The following KLHL32 variants were observed in gnomAD, a reference collection of about 807,000 sequenced individuals.
The protein encoded by KLHL32 is kelch like family member 32, also known as kelch-like protein 32.
A neutral mutation model predicts 64.8 loss-of-function variants in KLHL32; 35 were observed. That is an observed-to-expected ratio of 0.54 (90% CI 0.41 to 0.72). The LOEUF (loss-of-function observed/expected upper bound fraction) is 0.72, where lower values mean the gene tolerates loss of function less well. Ranked by LOEUF, KLHL32 falls within the 30% of genes least tolerant of loss-of-function variation. The pLI is 0.00. For missense variants in KLHL32, 589 were observed against 768.5 expected (o/e 0.77, Z 2.76); for synonymous variants, 259 against 281.0 (o/e 0.92, Z 0.78).
At chr6:97,075,872 A>T (rs1413719443) in intron 5 of KLHL32, among the ~76,000 whole-genome samples, 1 of 152,174 alleles carries the variant, frequency 6.6e-6, no homozygotes, top group Non-Finnish European at 1.5e-5. Context: ...TGTCTTAATT[A>T]TGCATTCATT....
At chr6:96,997,283 A>G (rs1582641216) in intron 3 of KLHL32, among the ~76,000 whole-genome samples, 1 of 152,144 alleles carries the variant, frequency 6.6e-6, no homozygotes, top group Non-Finnish European at 1.5e-5. Context: ...CCTGGCCCAC[A>G]TAGACCATCT....
chr6:97,126,859 G>T (rs1248122284), intron 7 of KLHL32, among the ~76,000 whole-genome samples: 1 of 151,842 alleles, frequency 6.6e-6, no homozygotes. Flanking sequence ...TTTTTATGTG[G>T]CTACTGGAAA....
At position 96,985,366 on chromosome 6, in the gene KLHL32, C is replaced by T. The variant is rs536144493; in HGVS notation, c.204+9189C>T. Among the ~76,000 whole-genome samples the T allele has an allele frequency of 4.9e-4, 74 of 152,186 alleles. No individual in the cohort carries two copies. In the East Asian group the frequency reaches 0.01, roughly 21 times the overall value. The stretch of plus-strand genomic sequence containing the variant: ...TTATGTGTCTTGGAGTTGCTCTTCT[C>T]GAGGAGTATCTTTGTGGCATTCTCT... On this transcript the variant is annotated intron_variant, in intron 3 of 10. Transcript: ENST00000369261.
chr6:96,923,768 T>C (rs1768843711), upstream of KLHL32, among the ~76,000 whole-genome samples: 2 of 152,190 alleles, frequency 1.3e-5, no homozygotes, highest in Non-Finnish European at 2.9e-5. Flanking sequence ...TTCTACAAAA[T>C]ACAGTTTACT....
chr6:97,105,121 T>A (rs1562341613), intron 6 of KLHL32, among the ~76,000 whole-genome samples: 2 of 152,168 alleles, frequency 1.3e-5, no homozygotes, highest in African/African-American at 4.8e-5. Flanking sequence ...ATTAAAAGGA[T>A]AACATGCTAA....
intron 4 of KLHL32, among the ~76,000 whole-genome samples, chr6:97,056,038 G>A (rs148728203): frequency 1.3e-5 from 2 of 148,988 alleles, no homozygotes; most frequent in African/African-American, 5.0e-5. Context: ...ATTAAATACT[G>A]TCATATGTGA....
intron 3 of KLHL32, among the ~76,000 whole-genome samples, chr6:96,985,202 C>A (rs1776862571): frequency 6.6e-6 from 1 of 152,178 alleles, no homozygotes; most frequent in African/African-American, 2.4e-5. Context: ...TATTGGCCCC[C>A]ACTCTCTTCT....
chr6:97,114,223 G>C lies in KLHL32; in HGVS notation c.1068G>C (p.Glu356Asp). 1.9e-6 allele frequency: 3 copies of C among 1,614,166 alleles called. No homozygotes were observed. The highest frequency in any genetic ancestry group is 1.7e-6 in the Non-Finnish European group (2 of 1,180,026). ...DFLFVAGGEV[E>D]HASGRTCAVR... is the part of the protein sequence containing the mutation. ...TGTTTGTGGCAGGAGGGGAAGTTGA[G>C]CATGCCAGTGGCCGGACGTGTGCTG... The change falls in exon 7 of 11, where the codon GAG (glutamate) becomes GAC (aspartate). Residue 356 changes from glutamate (E) to aspartate (D), a missense_variant. Coordinates refer to ENST00000369261, the MANE Select transcript of KLHL32 (RefSeq NM_052904.4).
At chr6:97,138,804 G>C (rs943362998) in intron 10 of KLHL32, among the ~76,000 whole-genome samples, 5 of 152,096 alleles carry the variant, frequency 3.3e-5, no homozygotes, top group African/African-American at 9.7e-5. Flanking sequence ...TAACTAGTTT[G>C]GGCAAGTTAT....
intron 1 of KLHL32, among the ~76,000 whole-genome samples, chr6:96,949,137 G>C (rs540969410): frequency 6.6e-6 from 1 of 152,196 alleles, no homozygotes; most frequent in East Asian, 1.9e-4. Flanking sequence ...TCTATTTACT[G>C]TTTATTCTTC....
chr6:96,991,105 C>G (rs1206110), intron 3 of KLHL32, among the ~76,000 whole-genome samples: 34,988 of 151,608 alleles, frequency 0.23, 4,163 homozygotes, highest in East Asian at 0.39. Context: ...CTCCTTATGG[C>G]GGTTTTGGTG....
intron 3 of KLHL32, among the ~76,000 whole-genome samples, chr6:96,993,859 G>A (rs1448077847): frequency 1.3e-5 from 2 of 152,116 alleles, no homozygotes; most frequent in Non-Finnish European, 2.9e-5. Flanking sequence ...TTGTGTTATG[G>A]GAGAATATCA....
chr6:97,060,220 T>C (rs559127442), intron 4 of KLHL32, among the ~76,000 whole-genome samples: 1 of 152,174 alleles, frequency 6.6e-6, no homozygotes, highest in Non-Finnish European at 1.5e-5. Context: ...GCCAACTCAC[T>C]TGATCACAGG....
chr6:96,984,478 T>C (rs1776747001), intron 3 of KLHL32, among the ~76,000 whole-genome samples: 1 of 152,222 alleles, frequency 6.6e-6, no homozygotes, highest in African/African-American at 2.4e-5. Context: ...TAGTGGGATG[T>C]TAGAGTCTCC....
intron 5 of KLHL32, among the ~76,000 whole-genome samples, chr6:97,076,579 C>T (rs375902804): frequency 5.3e-5 from 8 of 152,260 alleles, no homozygotes; most frequent in South Asian, 2.1e-4. Context: ...GCCTTGTTCC[C>T]GCAGTTTACC....
At chr6:97,092,455 T>C (rs1300163829) in intron 6 of KLHL32, among the ~76,000 whole-genome samples, 1 of 152,218 alleles carries the variant, frequency 6.6e-6, no homozygotes, top group East Asian at 1.9e-4. Context: ...TAATTTTCTT[T>C]CTGAAACTTT....
chr6:97,036,291 T>C (rs1331886466), intron 3 of KLHL32, among the ~76,000 whole-genome samples: 1 of 152,206 alleles, frequency 6.6e-6, no homozygotes, highest in African/African-American at 2.4e-5. Context: ...CCTGATATTA[T>C]TGAGTTGTCT....
intron 5 of KLHL32, among the ~76,000 whole-genome samples, chr6:97,078,997 GAC>G (rs1236959057): frequency 6.6e-6 from 1 of 152,186 alleles, no homozygotes; most frequent in Non-Finnish European, 1.5e-5. Context: ...TGGCACACAA[GAC>G]ACAGCTCTTG....
chr6:97,123,265 G>C (rs1441840752), intron 7 of KLHL32, among the ~76,000 whole-genome samples: 1 of 152,220 alleles, frequency 6.6e-6, no homozygotes, highest in Non-Finnish European at 1.5e-5. Flanking sequence ...TTGAGAGTCA[G>C]TGATCTCAGT....
Sources: allele counts gnomAD v4.1 joint callset (sites outside exome capture counted in the v4.1 genomes callset), GRCh38; gene constraint gnomAD v4.1.1; transcripts MANE v1.5; gene names NCBI Gene and HGNC (gene_info 2026-07-23, HGNC 2026-07-21).